The following TTC7B variants were observed in gnomAD, a reference collection of about 807,000 sequenced individuals.
TTC7B encodes tetratricopeptide repeat protein 7B.
A neutral mutation model predicts 106.8 loss-of-function variants in TTC7B; 28 were observed. That is an observed-to-expected ratio of 0.26 (90% CI 0.19 to 0.36). The LOEUF (loss-of-function observed/expected upper bound fraction) is 0.36. Among genes scored for constraint, TTC7B ranks in the 10% least tolerant of loss-of-function variants. TTC7B has a pLI of 1.00. For missense variants in TTC7B, 862 were observed against 1,076.4 expected (o/e 0.80, Z 2.79); for synonymous variants, 405 against 430.6 (o/e 0.94, Z 0.74).
intron 9 of TTC7B, among the ~76,000 whole-genome samples, chr14:90,667,081 TC>T (rs746329357): frequency 1.3e-5 from 2 of 152,256 alleles, no homozygotes; most frequent in African/African-American, 2.4e-5. Flanking sequence ...TTTCAGTCTC[TC>T]TTCCCTGGCT....
rs762976576 is a variant in TTC7B, at chr14:90,786,200, C to G, written c.250G>C (p.Ala84Pro). The change falls in exon 2 of 20, where the codon GCC becomes CCC. Residue 84 changes from alanine to proline, a missense_variant. Transcript: ENST00000328459. ...QLTEVRKHLT[A>P]ALDRGNLKSE... ...TTAAGGTTCCCTCGGTCCAGGGCGG[C>G]GGTCAGATGCTTGCGGACCTCAGTC... is the stretch of plus-strand genomic sequence containing the variant. The G allele has an allele frequency of 3.2e-6, 5 of 1,583,652 alleles. No homozygotes were observed. Among genetic ancestry groups the G allele is most frequent in the Non-Finnish European group, 4.3e-6 (5 of 1,166,872 alleles).
At chr14:90,638,910 G>C (rs114339231) in intron 15 of TTC7B, among the ~76,000 whole-genome samples, 1 of 152,228 alleles carries the variant, frequency 6.6e-6, no homozygotes, top group African/African-American at 2.4e-5. Flanking sequence ...AAACAACTGC[G>C]GACATTTGGT....
At chr14:90,688,672 GT>G (rs1217696223) in intron 7 of TTC7B, among the ~76,000 whole-genome samples, 81 of 148,112 alleles carry the variant, frequency 5.5e-4, no homozygotes, top group African/African-American at 2.0e-3. Context: ...GCTAGGTGTG[GT>G]GGTATGTGCC....
intron 9 of TTC7B, among the ~76,000 whole-genome samples, chr14:90,673,970 G>C (rs1192638142): frequency 6.6e-6 from 1 of 152,106 alleles, no homozygotes; most frequent in Non-Finnish European, 1.5e-5. Context: ...ATGGGTATAG[G>C]GTTTCTTATA....
intron 3 of TTC7B, among the ~76,000 whole-genome samples, chr14:90,758,787 T>A (rs1002616220): frequency 6.6e-6 from 1 of 151,984 alleles, no homozygotes; most frequent in Non-Finnish European, 1.5e-5. Flanking sequence ...TGGGAGCCCC[T>A]CCCCAAATGA....
At chr14:90,778,396 G>A (rs540920860) in intron 3 of TTC7B, among the ~76,000 whole-genome samples, 1 of 152,304 alleles carries the variant, frequency 6.6e-6, no homozygotes, top group South Asian at 2.1e-4. Context: ...GACACCTGTA[G>A]ACAGCCTGCC....
chr14:90,669,870 C>T (rs1401249280), intron 9 of TTC7B, among the ~76,000 whole-genome samples: 2 of 152,192 alleles, frequency 1.3e-5, no homozygotes, highest in Non-Finnish European at 2.9e-5. Context: ...AACAGTCTGG[C>T]AGTTCCTCAA....
intron 7 of TTC7B, among the ~76,000 whole-genome samples, chr14:90,683,553 G>A (rs1016864230): frequency 7.9e-5 from 12 of 152,132 alleles, no homozygotes; most frequent in African/African-American, 2.9e-4. Flanking sequence ...GATTATTAGG[G>A]ATCAGCTAGT....
At chr14:90,806,680 G>A (rs2030628722) in intron 1 of TTC7B, among the ~76,000 whole-genome samples, 1 of 152,212 alleles carries the variant, frequency 6.6e-6, no homozygotes, top group African/African-American at 2.4e-5. Flanking sequence ...GCCAAAGTGG[G>A]CAGATCACTT....
chr14:90,596,903 G>T (rs991067876), intron 17 of TTC7B, among the ~76,000 whole-genome samples: 6 of 152,116 alleles, frequency 3.9e-5, no homozygotes, highest in African/African-American at 1.4e-4. Flanking sequence ...CCCCCTCTCT[G>T]GATGCACGTG....
chr14:90,761,875 G>A (rs1023205773), intron 3 of TTC7B, among the ~76,000 whole-genome samples: 1 of 152,156 alleles, frequency 6.6e-6, no homozygotes, highest in East Asian at 1.9e-4. Flanking sequence ...CCTTGGTTCA[G>A]CCCTTTGTAC....
intron 1 of TTC7B, among the ~76,000 whole-genome samples, chr14:90,803,373 C>T (rs977369065): frequency 2.0e-5 from 3 of 152,158 alleles, no homozygotes; most frequent in African/African-American, 4.8e-5. Flanking sequence ...CAATATATCT[C>T]CCCTTCACAG....
rs747527687 is a variant in TTC7B at position 90,618,006 on chromosome 14, T to G, written c.1791A>C (p.Arg597=). 1 of 1,613,844 alleles carries G rather than the reference T, an allele frequency of 6.2e-7. No individual in the cohort carries two copies. Among genetic ancestry groups the G allele is most frequent in the Non-Finnish European group, 8.5e-7 (1 of 1,179,698 alleles). The change falls in exon 16 of 20, where the codon CGA becomes CGC. Residue 597 remains arginine, a synonymous_variant. Coordinates refer to ENST00000328459, the MANE Select transcript of TTC7B (RefSeq NM_001010854.2). ...FSKVKLQSLC[R]GPDEALLTCK... is the part of the protein sequence containing the mutation. ...AAGTCAGCAGTGCCTCGTCCGGGCC[T>G]CGGCAGAGTGACTGCAACTTCACTT...
intron 6 of TTC7B, among the ~76,000 whole-genome samples, chr14:90,694,601 TATAAATATATG>T: frequency 1.4e-5 from 2 of 147,350 alleles, no homozygotes; most frequent in Middle Eastern, 7.1e-3. Flanking sequence ...TCACATATAT[TATAAATATATG>T]TATAATATAT....
At chr14:90,598,685 G>C (rs561328934) in intron 17 of TTC7B, among the ~76,000 whole-genome samples, 1 of 152,226 alleles carries the variant, frequency 6.6e-6, no homozygotes, top group Non-Finnish European at 1.5e-5. Flanking sequence ...ACACTGGGAC[G>C]GCTAGCTCAT....
chr14:90,682,605 T>C (rs2071772064), intron 7 of TTC7B, among the ~76,000 whole-genome samples: 1 of 152,164 alleles, frequency 6.6e-6, no homozygotes, highest in South Asian at 2.1e-4. Context: ...CCTTCTCCTC[T>C]TTGGGGCCCA....
At position 90,606,260 on chromosome 14, in the gene TTC7B, G is replaced by A. The variant is rs561266806; in HGVS notation, c.1966+4482C>T. ...GACAAGGGGGTGCTAAGCTTTCTGG[G>A]GTGGCCTATGGTTGGGGTGTGCTGG... On this transcript the variant is annotated intron_variant, in intron 17 of 19. Coordinates refer to ENST00000328459, the MANE Select transcript of TTC7B (RefSeq NM_001010854.2). Among the ~76,000 whole-genome samples the A allele has an allele frequency of 4.6e-5, 7 of 152,236 alleles. No individual in the cohort carries two copies. The South Asian group carries it at 1.5e-3, about 32-fold the overall frequency.
In TTC7B at chr14:90,644,142, G is replaced by T. The variant is rs1885317843; in HGVS notation, c.1657C>A (p.His553Asn). The change falls in exon 15 of 20, where the codon CAC becomes AAC. Residue 553 changes from histidine (H) to asparagine (N), a missense_variant. Transcript: ENST00000328459. ...GCTGACAGCAGGAGGGCAAGGAGGT[G>T]CAGGGAGTTGGCATCGTCACCTTGA... ...QLQGDDANSLHLLALLLSAQK... is the reference protein window; with the variant it reads ...QLQGDDANSLNLLALLLSAQK... 1 of 1,614,034 alleles carries T rather than the reference G, an allele frequency of 6.2e-7. No individual in the cohort carries two copies. Among genetic ancestry groups the T allele is most frequent in the South Asian group, 1.1e-5 (1 of 91,070 alleles).
intron 9 of TTC7B, among the ~76,000 whole-genome samples, chr14:90,661,513 A>G (rs994305596): frequency 2.0e-5 from 3 of 152,106 alleles, no homozygotes; most frequent in Non-Finnish European, 2.9e-5. Context: ...AAAAGCTAGC[A>G]ATACCTAGAA....
Sources: allele counts gnomAD v4.1 joint callset (sites outside exome capture counted in the v4.1 genomes callset), GRCh38; gene constraint gnomAD v4.1.1; transcripts MANE v1.5; gene names NCBI Gene and HGNC (gene_info 2026-07-23, HGNC 2026-07-21).